FGF14: variants seen among roughly 807,000 people sequenced by gnomAD.
FGF14 encodes fibroblast growth factor homologous factor 4.
Under a neutral mutation model 25.5 loss-of-function variants are expected in FGF14, and 5 were observed. That is an observed-to-expected ratio of 0.20 (90% confidence interval 0.10 to 0.41). The LOEUF (loss-of-function observed/expected upper bound fraction) is 0.41. FGF14 is among the 10% of genes least tolerant of loss of function. FGF14 has a pLI of 1.00. For synonymous variants in FGF14, 138 were observed against 118.3 expected (o/e 1.17, Z -1.08); for missense variants, 222 against 320.1 (o/e 0.69, Z 2.34).
chr13:102,220,726 T>C (rs2050574978), intron 1 of FGF14, among the ~76,000 whole-genome samples: 1 of 152,222 alleles, frequency 6.6e-6, no homozygotes, highest in African/African-American at 2.4e-5. Context: ...TCACTTCACA[T>C]GATGTCTGCA....
intron 3 of FGF14, among the ~76,000 whole-genome samples, chr13:101,759,143 G>A (rs2037842599): frequency 1.3e-5 from 2 of 152,140 alleles, no homozygotes; most frequent in African/African-American, 4.8e-5. Flanking sequence ...ACGTTGATTT[G>A]GGTAGAGTCA....
At chr13:102,143,360 T>A (rs2046725772) in intron 1 of FGF14, among the ~76,000 whole-genome samples, 1 of 152,148 alleles carries the variant, frequency 6.6e-6, no homozygotes, top group Non-Finnish European at 1.5e-5. Context: ...AATGTGTGTG[T>A]GTTTATGCAT....
rs2058685941 is a variant in FGF14 at position 102,400,799 on chromosome 13, A to G, written c.208+672T>C. Among the ~76,000 whole-genome samples, 1 of 151,998 alleles carries G rather than the reference A, an allele frequency of 6.6e-6. No homozygotes were observed. The highest frequency in any genetic ancestry group is 1.5e-5 in the Non-Finnish European group (1 of 67,992). ...AAAGGGGGGGACTTCAATTACAAAT[A>G]TTAGAGGGGCTGGGCTTGTCCTCTC... is the stretch of plus-strand genomic sequence containing the variant. On this transcript the variant is annotated intron_variant, in intron 1 of 4. Transcript: ENST00000376131. The surrounding 1 kb of genome is among the most constrained non-coding windows in gnomAD (Gnocchi z 4.3).
chr13:102,396,311 A>G (rs1022794553), intron 1 of FGF14, among the ~76,000 whole-genome samples: 1 of 152,248 alleles, frequency 6.6e-6, no homozygotes, highest in Non-Finnish European at 1.5e-5. Flanking sequence ...AACACTGAAG[A>G]GAAGAGCTCC....
chr13:101,950,781 A>C (rs1353346438), intron 1 of FGF14, among the ~76,000 whole-genome samples: 1 of 130,254 alleles, frequency 7.7e-6, no homozygotes, highest in Non-Finnish European at 1.6e-5. Context: ...GTCTTTAAGG[A>C]GTTTTCAAGC....
At chr13:101,963,665 T>C (rs530332740) in intron 1 of FGF14, among the ~76,000 whole-genome samples, 94 of 152,362 alleles carry the variant, frequency 6.2e-4, no homozygotes, top group African/African-American at 2.2e-3. Flanking sequence ...CCCTTCTGTA[T>C]GGATAAACTT....
chr13:102,306,627 C>G (rs2055396127), intron 1 of FGF14, among the ~76,000 whole-genome samples: 1 of 152,002 alleles, frequency 6.6e-6, no homozygotes. Flanking sequence ...GACTGTGTGC[C>G]CAAAACATTG....
intron 1 of FGF14, among the ~76,000 whole-genome samples, chr13:102,278,612 A>G (rs1191834403): frequency 1.4e-5 from 2 of 144,596 alleles, no homozygotes; most frequent in Non-Finnish European, 3.0e-5. Flanking sequence ...GTGTCACTCT[A>G]CATACATTTT....
chr13:102,142,060 A>T (rs1296124540), intron 1 of FGF14, among the ~76,000 whole-genome samples: 1 of 152,198 alleles, frequency 6.6e-6, no homozygotes, highest in African/African-American at 2.4e-5. Flanking sequence ...TTTAGACACA[A>T]ATAATAAAAA....
intron 4 of FGF14, among the ~76,000 whole-genome samples, chr13:101,724,566 A>C (rs2035240987): frequency 1.4e-5 from 2 of 146,312 alleles, no homozygotes; most frequent in Admixed American, 1.4e-4. Flanking sequence ...CGTTGTGCAC[A>C]TGTACCCTAG....
At chr13:101,904,369 GA>G (rs200444271) in intron 1 of FGF14, among the ~76,000 whole-genome samples, 23 of 148,260 alleles carry the variant, frequency 1.6e-4, no homozygotes, top group African/African-American at 2.7e-4. Context: ...CAGGTTTTAA[GA>G]AAAAAAAAAT....
intron 1 of FGF14, among the ~76,000 whole-genome samples, chr13:102,246,447 T>C (rs1031349701): frequency 6.6e-6 from 1 of 152,102 alleles, no homozygotes; most frequent in Non-Finnish European, 1.5e-5. Context: ...CCTCAACTTA[T>C]ATCCCAACGC....
intron 1 of FGF14, among the ~76,000 whole-genome samples, chr13:102,230,412 A>G (rs1211792816): frequency 6.6e-6 from 1 of 152,252 alleles, no homozygotes; most frequent in East Asian, 1.9e-4. Context: ...ATAGAAAGGT[A>G]TAAACAAACA....
intron 1 of FGF14, among the ~76,000 whole-genome samples, chr13:102,192,581 C>G (rs974364497): frequency 6.6e-6 from 1 of 152,144 alleles, no homozygotes; most frequent in South Asian, 2.1e-4. Context: ...CAGGAGGAAC[C>G]AAGCCACTCC....
chr13:101,954,349 A>G (rs1056484686), intron 1 of FGF14, among the ~76,000 whole-genome samples: 9 of 152,158 alleles, frequency 5.9e-5, no homozygotes, highest in Non-Finnish European at 1.3e-4. Context: ...TGATGCAATA[A>G]CTAGAGCCTG....
At chr13:102,039,645 A>G (rs957854950) in intron 1 of FGF14, among the ~76,000 whole-genome samples, 7 of 152,118 alleles carry the variant, frequency 4.6e-5, no homozygotes, top group African/African-American at 1.7e-4. Flanking sequence ...GTCATATTGG[A>G]TTATGGCCCA....
Position 101,721,912 on chromosome 13 carries a change from C to CAGGCCTACA in FGF14, c.*910_*918dup, listed in dbSNP as rs1273870538. On this transcript the variant is annotated 3_prime_UTR_variant, in exon 5 of 5. Coordinates refer to ENST00000376143, the MANE Select transcript of FGF14 (RefSeq NM_004115.4). ...TAATAGATGAAAAATGAACCTTAAT[C>CAGGCCTACA]AGGCCTACAAGGCCTACAGAAATCT... The CAGGCCTACA allele has an allele frequency of 6.7e-6, 1 of 149,892 alleles. No individual in the cohort carries two copies. Among genetic ancestry groups the CAGGCCTACA allele is most frequent in the African/African-American group, 2.5e-5 (1 of 40,688 alleles). The allele number at this position is 149,892 out of a possible 1,614,324, so 9.3% of individuals were successfully genotyped here. A position where few individuals can be genotyped will look rare whatever the true frequency, so the allele number is the denominator to read the frequency against.
At chr13:101,776,240 T>C (rs1483587433) in intron 3 of FGF14, among the ~76,000 whole-genome samples, 2 of 152,208 alleles carry the variant, frequency 1.3e-5, no homozygotes, top group Non-Finnish European at 2.9e-5. Flanking sequence ...ATTTGTCAGC[T>C]AATCAGCCAG....
At chr13:102,142,388 C>T (rs553819754) in intron 1 of FGF14, among the ~76,000 whole-genome samples, 13 of 151,772 alleles carry the variant, frequency 8.6e-5, no homozygotes, top group African/African-American at 3.1e-4. Context: ...AGCTGTTTTA[C>T]TCCTTAAAAA....
Sources: gnomAD v4.1 joint callset for allele counts (sites outside exome capture counted in the v4.1 genomes callset) on GRCh38, gnomAD v4.1.1 for gene constraint, Gnocchi (gnomAD v3.1) non-coding constraint, MANE v1.5 for transcripts, NCBI Gene and HGNC (gene_info 2026-07-23, HGNC 2026-07-21) for gene names.